PCDHGA3: variants seen among roughly 807,000 people sequenced by gnomAD.
PCDHGA3 encodes the protein protocadherin gamma-A3.
PCDHGA3 carries 40 observed loss-of-function variants against 58.5 expected under a neutral mutation model. That is an observed-to-expected ratio of 0.68 (90% CI 0.53 to 0.89). PCDHGA3 has a LOEUF of 0.89. Among genes scored for constraint, PCDHGA3 ranks in the 40% least tolerant of loss-of-function variants. PCDHGA3 has a pLI of 0.00. For synonymous variants in PCDHGA3, 530 were observed against 525.7 expected, an observed-to-expected ratio of 1.01 and a Z score of -0.11; for missense variants, 1,223 against 1,195.9, an observed-to-expected ratio of 1.02 and a Z score of -0.33.
intron 2 of PCDHGA3, among the ~76,000 whole-genome samples, 199 bp downstream of exon 2, chr5:141,495,064 C>T (rs563712352): frequency 6.6e-6 from 1 of 152,296 alleles, no homozygotes; most frequent in South Asian, 2.1e-4. Context: ...GTTCAGGAAG[C>T]TCAATTCACA....
Position 141,383,564 on chromosome 5 carries a change from G to A in PCDHGA3, c.2424+37107G>A, listed in dbSNP as rs767546411. On this transcript the variant is annotated intron_variant, in intron 1 of 3. Coordinates refer to ENST00000253812, the MANE Select transcript of PCDHGA3 (RefSeq NM_018916.4). ...GCCTCTGATGGCGGCGACCCGCCCC[G>A]ATCCAGCACCGCCCACATCCAGGTG... 6.2e-6 allele frequency: 10 copies of A among 1,612,926 alleles called. No homozygotes were observed. In the East Asian group the frequency reaches 6.7e-5, roughly 11 times the overall value.
intron 1 of PCDHGA3, chr5:141,360,677 C>T: frequency 1.2e-6 from 2 of 1,613,980 alleles, no homozygotes; most frequent in South Asian, 1.1e-5. Flanking sequence ...TTTGATCTCG[C>T]TGAGAAACAG....
At chr5:141,465,144 T>A (rs965605798) in intron 1 of PCDHGA3, among the ~76,000 whole-genome samples, 4 of 152,008 alleles carry the variant, frequency 2.6e-5, no homozygotes, top group Admixed American at 6.6e-5. Flanking sequence ...TTAGGGGATA[T>A]ATGAAGGGAC....
At chr5:141,435,214 A>T (rs1314928643) in intron 1 of PCDHGA3, among the ~76,000 whole-genome samples, 1 of 152,176 alleles carries the variant, frequency 6.6e-6, no homozygotes, top group Non-Finnish European at 1.5e-5. Context: ...AAGTGAATTT[A>T]CTTTCTTTCA....
chr5:141,415,905 C>T (rs1278855649), intron 1 of PCDHGA3: 5 of 801,160 alleles, frequency 6.2e-6, no homozygotes, highest in Non-Finnish European at 8.6e-6. Context: ...GACAGACTTC[C>T]ATACAGAAGT....
At chr5:141,388,353 G>A (rs1441506976) in intron 1 of PCDHGA3, 1 of 1,613,858 alleles carries the variant, frequency 6.2e-7, no homozygotes, top group Non-Finnish European at 8.5e-7. Flanking sequence ...ATTAGGATCT[G>A]CCCATGATGC....
In PCDHGA3 at chr5:141,355,391, T is replaced by C. The variant is rs537544095; in HGVS notation, c.2424+8934T>C. The stretch of plus-strand genomic sequence containing the variant: ...CCCCGGGAGCTGGCGGAGCGCGGAG[T>C]CCGCATCGTCTCCAGAGGTAGGACG... On this transcript the variant is annotated intron_variant, in intron 1 of 3. Coordinates refer to ENST00000253812, the MANE Select transcript of PCDHGA3 (RefSeq NM_018916.4). 4 of 1,613,888 alleles carry C rather than the reference T, an allele frequency of 2.5e-6. No individual in the cohort carries two copies. In the Admixed American group the frequency reaches 6.7e-5, roughly 27 times the overall value.
rs773127033 is a variant in PCDHGA3 at position 141,365,541 on chromosome 5, T to C, written c.2424+19084T>C. On this transcript the variant is annotated intron_variant, in intron 1 of 3. Transcript: ENST00000253812. Reference sequence around the variant, plus strand: ...AAGTCAGTTGATAATTACTATCACCTATTAACAACTAGGGACCTGGACAGA... The same window carrying C: ...AAGTCAGTTGATAATTACTATCACCCATTAACAACTAGGGACCTGGACAGA... 3 of 1,613,728 alleles carry C rather than the reference T, an allele frequency of 1.9e-6. No individual in the cohort carries two copies. In the African/African-American group the frequency reaches 4.0e-5, roughly 22 times the overall value.
At chr5:141,421,823 G>A in intron 1 of PCDHGA3, 1 of 1,613,802 alleles carries the variant, frequency 6.2e-7, no homozygotes. Flanking sequence ...GTACTGGAGG[G>A]AAGCCTGGAC....
Position 141,490,920 on chromosome 5 carries a change from T to A in PCDHGA3, c.2425-3887T>A. 1.2e-6 allele frequency: 2 copies of A among 1,613,638 alleles called. No homozygotes were observed. The highest frequency in any genetic ancestry group is 1.7e-6 in the Non-Finnish European group (2 of 1,179,684). The stretch of plus-strand genomic sequence containing the variant: ...TGTTTGTCCTAGACGAGAATGATAA[T>A]GCCCCAGCTGTGCTGCACCCACGGC... On this transcript the variant is annotated intron_variant, in intron 1 of 3. Coordinates refer to ENST00000253812, the MANE Select transcript of PCDHGA3 (RefSeq NM_018916.4). This position sits in a 1 kb window ranked among gnomAD's most constrained non-coding sequence, Gnocchi z 5.4.
At chr5:141,383,861 C>A (rs1284375260) in intron 1 of PCDHGA3, 1 of 1,613,936 alleles carries the variant, frequency 6.2e-7, no homozygotes, top group East Asian at 2.2e-5. Context: ...GAGGTTCAGG[C>A]TCAAGATGGT....
chr5:141,508,535 C>A (rs1294413041), intron 3 of PCDHGA3, among the ~76,000 whole-genome samples: 1 of 152,172 alleles, frequency 6.6e-6, no homozygotes, highest in Non-Finnish European at 1.5e-5. Context: ...GGGCACCCCC[C>A]ACGAGGTGGG....
At position 141,351,956 on chromosome 5, in the gene PCDHGA3, G is replaced by T. The variant is rs970182422; in HGVS notation, c.2424+5499G>T. 10 of 1,612,876 alleles carry T rather than the reference G, an allele frequency of 6.2e-6. No homozygotes were observed. The East Asian group carries it at 2.0e-4, about 32-fold the overall frequency. Reference sequence around the variant, plus strand: ...GGTGCTGTACCCCGCGCTGGGGCCTGATGGCTCCGCCCTCTTCGATATGGT... The same window carrying T: ...GGTGCTGTACCCCGCGCTGGGGCCTTATGGCTCCGCCCTCTTCGATATGGT... On this transcript the variant is annotated intron_variant, in intron 1 of 3. Coordinates refer to ENST00000253812, the MANE Select transcript of PCDHGA3 (RefSeq NM_018916.4).
chr5:141,430,369 A>G (rs564811230), intron 1 of PCDHGA3, among the ~76,000 whole-genome samples: 1 of 151,582 alleles, frequency 6.6e-6, no homozygotes, highest in East Asian at 1.9e-4. Flanking sequence ...ATTGGGGAAA[A>G]AAAAGCTCAT....
intron 3 of PCDHGA3, among the ~76,000 whole-genome samples, chr5:141,508,620 G>A (rs1017391751): frequency 2.0e-5 from 3 of 152,070 alleles, no homozygotes; most frequent in East Asian, 1.9e-4. Context: ...GACGTGGGTG[G>A]GCCGAGCTTC....
rs60063068 is a variant in PCDHGA3, at chr5:141,477,262, C to T, written c.2425-17545C>T. The T allele has an allele frequency of 1.9e-4, 313 of 1,614,138 alleles. No individual in the cohort carries two copies. In the African/African-American group the frequency reaches 3.7e-3, roughly 19 times the overall value. On this transcript the variant is annotated intron_variant, in intron 1 of 3. Coordinates refer to ENST00000253812, the MANE Select transcript of PCDHGA3 (RefSeq NM_018916.4). This position sits in a 1 kb window ranked among gnomAD's most constrained non-coding sequence, Gnocchi z 4.9. ...TCAGTGTGACTGACCTGGATGCTGG[C>T]GAGAACGGGCTGGTGACCTGCGAAG...
chr5:141,497,540 CTTT>C (rs754207034), intron 2 of PCDHGA3, among the ~76,000 whole-genome samples: 11 of 134,886 alleles, frequency 8.2e-5, no homozygotes, highest in African/African-American at 1.9e-4. Context: ...TGCAACAAAC[CTTT>C]TTTTTTTTTT....
rs774780380 is a variant in PCDHGA3 at position 141,432,864 on chromosome 5, G to C, written c.2425-61943G>C. Reference sequence around the variant, plus strand: ...GTGGTAGCGGTGGCCGCGGTCTCCTGCGTCTTCCTGGCCTTCGTCATCTTG... The same window carrying C: ...GTGGTAGCGGTGGCCGCGGTCTCCTCCGTCTTCCTGGCCTTCGTCATCTTG... On this transcript the variant is annotated intron_variant, in intron 1 of 3. Coordinates refer to ENST00000253812, the MANE Select transcript of PCDHGA3 (RefSeq NM_018916.4). The surrounding 1 kb of genome is among the most constrained non-coding windows in gnomAD (Gnocchi z 6.0). 6.2e-7 allele frequency: 1 copy of C among 1,614,168 alleles called. No homozygotes were observed.
chr5:141,355,619 T>C, intron 1 of PCDHGA3: 3 of 1,613,950 alleles, frequency 1.9e-6, no homozygotes, highest in Non-Finnish European at 1.7e-6. Context: ...CAGAGGGAAA[T>C]AAAAGTTGCT....
Sources: gnomAD v4.1 joint callset for allele counts (sites outside exome capture counted in the v4.1 genomes callset) on GRCh38, gnomAD v4.1.1 for gene constraint, Gnocchi (gnomAD v3.1) non-coding constraint, MANE v1.5 for transcripts, NCBI Gene and HGNC (gene_info 2026-07-23, HGNC 2026-07-21) for gene names.